Variants in DAGLB observed in about 807,000 individuals in gnomAD.
DAGLB encodes the protein diacylglycerol lipase-beta.
Under a neutral mutation model 72.1 loss-of-function variants are expected in DAGLB, and 66 were observed. The ratio of observed to expected loss-of-function variants is 0.92; its 90% confidence interval spans 0.75 to 1.12. The LOEUF is 1.12. Ranked by LOEUF, DAGLB falls within the 50% of genes most tolerant of loss-of-function variation. The pLI, the probability that DAGLB is intolerant of heterozygous loss-of-function variation, is 0.00. For synonymous variants in DAGLB, 414 were observed against 359.5 expected, an observed-to-expected ratio of 1.15 and a Z score of -1.71; for missense variants, 1,065 against 884.9, an observed-to-expected ratio of 1.20 and a Z score of -2.58.
intron 8 of DAGLB, chr7:6,422,144 C>T (rs1784147982): frequency 2.6e-6 from 1 of 379,356 alleles, no homozygotes; most frequent in South Asian, 2.0e-5. Flanking sequence ...TGGTTCCCGT[C>T]CTCAGGAGCC....
intron 4 of DAGLB, among the ~76,000 whole-genome samples, chr7:6,433,872 A>G (rs1159897083): frequency 6.6e-6 from 1 of 150,976 alleles, no homozygotes; most frequent in Non-Finnish European, 1.5e-5. Flanking sequence ...AAAAAAAGAC[A>G]ATATACTGGC....
In DAGLB at chr7:6,409,667, AATGACTTCCCAT is replaced by A; in HGVS notation, c.*158_*169del. Reference sequence around the variant, plus strand: ...CTACTTCTGCTACCATTATGGCCACAATGACTTCCCATAAACTTAAGTCATTGAGACCATGGA... The same window carrying A: ...CTACTTCTGCTACCATTATGGCCACAAAACTTAAGTCATTGAGACCATGGA... On this transcript the variant is annotated 3_prime_UTR_variant, in exon 15 of 15. Coordinates refer to ENST00000297056, the MANE Select transcript of DAGLB (RefSeq NM_139179.4). 1.2e-6 allele frequency: 1 copy of A among 808,586 alleles called. No individual in the cohort carries two copies. Among genetic ancestry groups the A allele is most frequent in the Admixed American group, 2.9e-5 (1 of 34,728 alleles). The allele number at this position is 808,586 out of a possible 1,614,324, so 50.1% of individuals were successfully genotyped here.
intron 5 of DAGLB, among the ~76,000 whole-genome samples, chr7:6,430,991 G>C (rs34421596): frequency 0.19 from 28,600 of 152,006 alleles, 3,139 homozygotes; most frequent in East Asian, 0.33. Flanking sequence ...GGCCAGGCTG[G>C]TCTCGAACTC....
Position 6,435,027 on chromosome 7 carries a change from G to C in DAGLB, c.420-7C>G, listed in dbSNP as rs1462007036. 6.2e-7 allele frequency: 1 copy of C among 1,612,184 alleles called. No homozygotes were observed. Among genetic ancestry groups the C allele is most frequent in the South Asian group, 1.1e-5 (1 of 90,998 alleles). ...GGCAGCGATGATGATCCAACTGCAAGACAGAGAGAGGAAAAGGCTCGGTGA... is the reference window on the plus strand; with the variant it reads ...GGCAGCGATGATGATCCAACTGCAACACAGAGAGAGGAAAAGGCTCGGTGA... On this transcript the variant is annotated splice_region_variant and splice_polypyrimidine_tract_variant and intron_variant, in intron 3 of 14. Transcript: ENST00000297056.
chr7:6,411,088 G>GGTCTCTACACCCC (rs1476194195), intron 13 of DAGLB, among the ~76,000 whole-genome samples: 1 of 151,774 alleles, frequency 6.6e-6, no homozygotes, highest in East Asian at 1.9e-4. Flanking sequence ...GTTTCACCGT[G>GGTCTCTACACCCC]GTCTCTATCT....
In DAGLB at chr7:6,409,811, C is replaced by A. The variant is rs778915640; in HGVS notation, c.*26G>T. On this transcript the variant is annotated 3_prime_UTR_variant, in exon 15 of 15. Transcript: ENST00000297056. ...AGGACAAAAGCGTGAGTCCATCGTT[C>A]CTGGGACAGTTTCCAGTGGCCCTGG... The A allele has an allele frequency of 6.8e-6, 11 of 1,609,022 alleles. No homozygotes were observed. The highest frequency in any genetic ancestry group is 4.5e-5 in the East Asian group (2 of 44,784).
intron 13 of DAGLB, among the ~76,000 whole-genome samples, chr7:6,411,615 T>A (rs1783731555): frequency 1.3e-5 from 2 of 152,126 alleles, no homozygotes; most frequent in Non-Finnish European, 2.9e-5. Flanking sequence ...AGCGAGACCC[T>A]GTCTCAAAAA....
chr7:6,441,259 T>A (rs1030486009), intron 2 of DAGLB, among the ~76,000 whole-genome samples: 1 of 117,422 alleles, frequency 8.5e-6, no homozygotes, highest in Non-Finnish European at 2.2e-5. Context: ...CCTGGCTAAT[T>A]TTTTGTACTT....
Position 6,430,520 on chromosome 7 carries a change from T to C in DAGLB, c.889A>G (p.Arg297Gly). 6.2e-7 allele frequency: 1 copy of C among 1,601,200 alleles called. No homozygotes were observed. The highest frequency in any genetic ancestry group is 8.5e-7 in the Non-Finnish European group (1 of 1,171,452). ...AAYGWPLYIY[R>G]NPLTGLCRIG... ...CTGCACAGCCCCGTGAGGGGGTTTC[T>C]GTAGATGTAGAGGGGCCACCCATAG... Residue 297 changes from arginine to glycine, a missense_variant, in exon 6 of 15, where the codon AGA becomes GGA. By Grantham distance (125) the Arg-to-Gly change is moderately radical (BLOSUM62 -2). Coordinates refer to ENST00000297056, the MANE Select transcript of DAGLB (RefSeq NM_139179.4).
chr7:6,425,540 G>T (rs546682696), intron 7 of DAGLB, among the ~76,000 whole-genome samples: 13 of 152,204 alleles, frequency 8.5e-5, no homozygotes, highest in African/African-American at 3.1e-4. Context: ...AAAGTGCTGG[G>T]ATTACAGGCG....
rs139770982 is a variant in DAGLB at position 6,410,313 on chromosome 7, T to A, written c.1637A>T (p.Glu546Val). ...GACTTCCTGGTCGCCCCCGTCCAGC[T>A]CCGTGGGCAAGTTGTTGGGGTTTCC... ...FGGNPNNLPT[E>V]LDGGDQEVLT... Residue 546 changes from glutamate (E) to valine (V), a missense_variant, in exon 14 of 15, where the codon GAG becomes GTG. Transcript: ENST00000297056. 26 of 1,613,930 alleles carry A rather than the reference T, an allele frequency of 1.6e-5. No individual in the cohort carries two copies. Among genetic ancestry groups the A allele is most frequent in the African/African-American group, 4.0e-5 (3 of 74,886 alleles).
At chr7:6,434,111 G>C (rs1407580222) in intron 4 of DAGLB, among the ~76,000 whole-genome samples, 1 of 152,110 alleles carries the variant, frequency 6.6e-6, no homozygotes, top group Non-Finnish European at 1.5e-5. Flanking sequence ...ATAGCACAGA[G>C]GTGGGAAGAG....
At chr7:6,430,250 C>CATATATATATATATAT (rs57374634) in intron 6 of DAGLB, among the ~76,000 whole-genome samples, 460 of 45,678 alleles carry the variant, frequency 0.01, 15 homozygotes, top group Non-Finnish European at 0.012. Context: ...AATACATGTG[C>CATATATATATATATAT]ATATATATAT....
rs765690817 is a variant in DAGLB, at chr7:6,436,462, G to A, written c.319C>T (p.Pro107Ser). The change falls in exon 3 of 15, where the codon CCA becomes TCA. Residue 107 changes from proline to serine, a missense_variant. Coordinates refer to ENST00000297056, the MANE Select transcript of DAGLB (RefSeq NM_139179.4). Reference sequence around the variant, plus strand: ...CCCAGAGAGGCCCAGACCATCTCTGGAAAAAACAGCGCCAGGCGGATGTAA... The same window carrying A: ...CCCAGAGAGGCCCAGACCATCTCTGAAAAAAACAGCGCCAGGCGGATGTAA... ...LLYIRLALFF[P>S]EMVWASLGAA... The A allele has an allele frequency of 9.3e-6, 15 of 1,614,002 alleles. No homozygotes were observed. In the South Asian group the frequency reaches 1.5e-4, roughly 17 times the overall value.
At chr7:6,436,912 G>A (rs377200392) in intron 2 of DAGLB, among the ~76,000 whole-genome samples, 3 of 151,932 alleles carry the variant, frequency 2.0e-5, no homozygotes, top group African/African-American at 7.3e-5. Flanking sequence ...TTTGGGAGGA[G>A]GCCAAGGCAG....
At chr7:6,423,620 A>C (rs1784207316) in intron 8 of DAGLB, among the ~76,000 whole-genome samples, 1 of 126,338 alleles carries the variant, frequency 7.9e-6, no homozygotes, top group Non-Finnish European at 1.6e-5. Flanking sequence ...ACAGGGTCTC[A>C]CTCTGTCTCC....
chr7:6,429,234 T>C (rs1463132739), intron 6 of DAGLB, among the ~76,000 whole-genome samples: 1 of 152,098 alleles, frequency 6.6e-6, no homozygotes, highest in African/African-American at 2.4e-5. Flanking sequence ...GGAAGGATGG[T>C]TGTCATGGAC....
intron 6 of DAGLB, among the ~76,000 whole-genome samples, chr7:6,428,190 C>CAA (rs1222534769): frequency 1.3e-5 from 2 of 150,756 alleles, no homozygotes; most frequent in Admixed American, 1.3e-4. Flanking sequence ...ATTAAAATTA[C>CAA]AAAAAACTAG....
chr7:6,424,912 G>A lies in DAGLB; in HGVS notation c.1057-77C>T, dbSNP rs560518908. 2.1e-6 allele frequency: 3 copies of A among 1,446,774 alleles called. No homozygotes were observed. In the South Asian group the frequency reaches 3.5e-5, roughly 17 times the overall value. The allele number at this position is 1,446,774 out of a possible 1,614,324, so 89.6% of individuals were successfully genotyped here. On this transcript the variant is annotated intron_variant, in intron 7 of 14. Coordinates refer to ENST00000297056, the MANE Select transcript of DAGLB (RefSeq NM_139179.4). ...GCACGCAAAGTCGGAGCCCTGCAGT[G>A]TCTGCAATGACAGCCCAAGTCCTGC...
Sources: gnomAD v4.1 joint callset for allele counts (sites outside exome capture counted in the v4.1 genomes callset) on GRCh38, gnomAD v4.1.1 for gene constraint, MANE v1.5 for transcripts, NCBI Gene and HGNC (gene_info 2026-07-23, HGNC 2026-07-21) for gene names.